The following PROSER2 variants were observed in gnomAD, a reference collection of about 807,000 sequenced individuals.
PROSER2 encodes the protein proline and serine rich 2.
Under a neutral mutation model 14.6 loss-of-function variants are expected in PROSER2, and 18 were observed. That is an observed-to-expected ratio of 1.23 (90% CI 0.85 to 1.83). PROSER2 has a LOEUF of 1.83. Among genes scored for constraint, PROSER2 ranks in the 40% most tolerant of loss-of-function variants. The pLI is 0.00. For synonymous variants in PROSER2, 367 were observed against 286.4 expected, an observed-to-expected ratio of 1.28 and a Z score of -2.84; for missense variants, 823 against 629.8, an observed-to-expected ratio of 1.31 and a Z score of -3.28.
At chr10:11,853,664 C>G (rs1039057294) in intron 2 of PROSER2, among the ~76,000 whole-genome samples, 1 of 152,138 alleles carries the variant, frequency 6.6e-6, no homozygotes, top group African/African-American at 2.4e-5. Flanking sequence ...CCAGGTGGGG[C>G]GCCATTCCCC....
rs190543494 is a variant in PROSER2 at position 11,827,635 on chromosome 10, T to C, written c.-82+4165T>C. Among the ~76,000 whole-genome samples, 9 of 152,138 alleles carry C rather than the reference T, an allele frequency of 5.9e-5. No homozygotes were observed. The East Asian group carries it at 1.7e-3, about 29-fold the overall frequency. On this transcript the variant is annotated intron_variant, in intron 1 of 3. Coordinates refer to ENST00000277570, the MANE Select transcript of PROSER2 (RefSeq NM_153256.4). Reference sequence around the variant, plus strand: ...GTATTTATGGATTGACCACGTACAATGTGCCAAGCTGTTGAGCGGGTCATT... The same window carrying C: ...GTATTTATGGATTGACCACGTACAACGTGCCAAGCTGTTGAGCGGGTCATT...
intron 3 of PROSER2, among the ~76,000 whole-genome samples, chr10:11,868,503 C>T (rs915410900): frequency 6.6e-6 from 1 of 152,062 alleles, no homozygotes; most frequent in African/African-American, 2.4e-5. Flanking sequence ...AACTCTTGGG[C>T]TCAAGTGATC....
rs1833673993 is a variant in PROSER2, at chr10:11,830,294, TAG to T, written c.-82+6827_-82+6828del. On this transcript the variant is annotated intron_variant, in intron 1 of 3. Coordinates refer to ENST00000277570, the MANE Select transcript of PROSER2 (RefSeq NM_153256.4). This position sits in a 1 kb window ranked among gnomAD's most constrained non-coding sequence, Gnocchi z 4.5. ...ACATGCAGTGTTTGACTTTCAGAGT[TAG>T]AGTTTGACTTTCACTTAGGATAATG... Among the ~76,000 whole-genome samples the T allele has an allele frequency of 6.6e-6, 1 of 152,210 alleles. No individual in the cohort carries two copies. Among genetic ancestry groups the T allele is most frequent in the South Asian group, 2.1e-4 (1 of 4,828 alleles).
intron 2 of PROSER2, among the ~76,000 whole-genome samples, chr10:11,855,825 T>A (rs1834113914): frequency 6.6e-6 from 1 of 152,204 alleles, no homozygotes; most frequent in Non-Finnish European, 1.5e-5. Context: ...AAATAGCCAC[T>A]TAAATAGGAT....
In PROSER2 at chr10:11,870,853, TA is replaced by T. The variant is rs58498573; in HGVS notation, c.*456del. 17 of 167,940 alleles carry T rather than the reference TA, an allele frequency of 1.0e-4. No individual in the cohort carries two copies. The highest frequency in any genetic ancestry group is 1.3e-4 in the Admixed American group (2 of 15,282). The allele number at this position is 167,940 out of a possible 1,614,324, so 10.4% of individuals were successfully genotyped here. A position where few individuals can be genotyped will look rare whatever the true frequency, so the allele number is the denominator to read the frequency against. On this transcript the variant is annotated 3_prime_UTR_variant, in exon 4 of 4. Coordinates refer to ENST00000277570, the MANE Select transcript of PROSER2 (RefSeq NM_153256.4). ...CTCGCCGCCTTTTCTAAGAAAATAA[TA>T]AAAAAAAATGCTTGTTTCATTTTTT...
chr10:11,864,611 C>CA (rs1834308734), intron 2 of PROSER2, among the ~76,000 whole-genome samples: 1 of 139,978 alleles, frequency 7.1e-6, no homozygotes, highest in Non-Finnish European at 1.5e-5. Flanking sequence ...TTTTTTGAGA[C>CA]AGAGTCTTGC....
chr10:11,840,955 AATATATATAT>A lies in PROSER2; in HGVS notation c.-81-11015_-81-11006del, dbSNP rs1305528836. Among the ~76,000 whole-genome samples, 153 of 18,872 alleles carry A rather than the reference AATATATATAT, an allele frequency of 8.1e-3. 1 individual carries two copies. Among genetic ancestry groups the A allele is most frequent in the African/African-American group, 0.013 (64 of 4,762 alleles). 12.4% of individuals were successfully genotyped at this position (18,872 alleles called of 152,430 possible). A position where few individuals can be genotyped will look rare whatever the true frequency, so the allele number is the denominator to read the frequency against. On this transcript the variant is annotated intron_variant, in intron 1 of 3. Coordinates refer to ENST00000277570, the MANE Select transcript of PROSER2 (RefSeq NM_153256.4). ...AAAAAAAAAAAAAAAAAAAAAAAAAAATATATATATATATATATATATATATATATATATA... is the reference window on the plus strand; with the variant it reads ...AAAAAAAAAAAAAAAAAAAAAAAAAAATATATATATATATATATATATATA...
chr10:11,839,058 T>A (rs1396376588), intron 1 of PROSER2, among the ~76,000 whole-genome samples: 1 of 152,182 alleles, frequency 6.6e-6, no homozygotes, highest in African/African-American at 2.4e-5. Context: ...AATAGGAAAT[T>A]CAGAAATAGA....
rs556380826 is a variant in PROSER2 at position 11,862,012 on chromosome 10, A to G, written c.139-4519A>G. Reference sequence around the variant, plus strand: ...TCAGACTCCCTGGAGGCTGCGTCCAACACAGACTGACAGGCCCAGCGCCTG... The same window carrying G: ...TCAGACTCCCTGGAGGCTGCGTCCAGCACAGACTGACAGGCCCAGCGCCTG... On this transcript the variant is annotated intron_variant, in intron 2 of 3. Coordinates refer to ENST00000277570, the MANE Select transcript of PROSER2 (RefSeq NM_153256.4). The surrounding 1 kb of genome is among the most constrained non-coding windows in gnomAD (Gnocchi z 4.2). Among the ~76,000 whole-genome samples the G allele has an allele frequency of 7.2e-5, 11 of 152,354 alleles. No homozygotes were observed. The East Asian group carries it at 2.1e-3, about 29-fold the overall frequency.
intron 2 of PROSER2, among the ~76,000 whole-genome samples, chr10:11,855,053 C>G (rs11257362): frequency 0.077 from 11,639 of 151,776 alleles, 509 homozygotes; most frequent in East Asian, 0.1. Context: ...TATGTAAATG[C>G]ACCTCTTAGA....
chr10:11,866,461 T>G lies in PROSER2; in HGVS notation c.139-70T>G. On this transcript the variant is annotated intron_variant, in intron 2 of 3. Transcript: ENST00000277570. The surrounding 1 kb of genome is among the most constrained non-coding windows in gnomAD (Gnocchi z 6.0). ...GGCTGTGGACCAATCCCAACTTTGC[T>G]TCAGCTTTTGTCTCTTTAGTGAAGC... 1 of 1,578,122 alleles carries G rather than the reference T, an allele frequency of 6.3e-7. No homozygotes were observed.
intron 2 of PROSER2, among the ~76,000 whole-genome samples, chr10:11,854,478 T>G (rs1297516422): frequency 6.6e-6 from 1 of 152,166 alleles, no homozygotes; most frequent in African/African-American, 2.4e-5. Flanking sequence ...CTGGCTAATT[T>G]GTTAAATTTT....
rs79906138 is a variant in PROSER2 at position 11,869,369 on chromosome 10, C to T, written c.392-121C>T. The T allele has an allele frequency of 0.017, 11,729 of 691,992 alleles. 191 individuals are homozygous for T. The highest frequency in any genetic ancestry group is 0.058 in the African/African-American group (3,282 of 56,326). 42.9% of individuals were successfully genotyped at this position (691,992 alleles called of 1,614,324 possible). On this transcript the variant is annotated intron_variant, in intron 3 of 3. Transcript: ENST00000277570. The surrounding 1 kb of genome is among the most constrained non-coding windows in gnomAD (Gnocchi z 4.4). ...AGGGAGAGAGGAGTTGACTCACAGG[C>T]AGCACCGGCGAAGTTGGTGTCAGGT...
At position 11,840,653 on chromosome 10, in the gene PROSER2, G is replaced by A. The variant is rs867131181; in HGVS notation, c.-81-11344G>A. 6.2e-4 allele frequency among the ~76,000 whole-genome samples: 95 copies of A among 152,042 alleles called. No individual in the cohort carries two copies. The Middle Eastern group carries it at 0.014, about 22-fold the overall frequency. On this transcript the variant is annotated intron_variant, in intron 1 of 3. Transcript: ENST00000277570. ...CAAAATTAGATAGTGGGGGCCAGGC[G>A]CGGTGGCTCATCCCTTGGCCAGCAC...
At position 11,862,173 on chromosome 10, in the gene PROSER2, G is replaced by T. The variant is rs1295035465; in HGVS notation, c.139-4358G>T. Among the ~76,000 whole-genome samples the T allele has an allele frequency of 1.3e-5, 2 of 152,130 alleles. No individual in the cohort carries two copies. The highest frequency in any genetic ancestry group is 2.4e-5 in the African/African-American group (1 of 41,406). ...AATGAAGCCATGAGCCATATTCATG[G>T]GTCAAGAAAAGATCGCAGAGACATC... is the stretch of plus-strand genomic sequence containing the variant. On this transcript the variant is annotated intron_variant, in intron 2 of 3. Coordinates refer to ENST00000277570, the MANE Select transcript of PROSER2 (RefSeq NM_153256.4). This position sits in a 1 kb window ranked among gnomAD's most constrained non-coding sequence, Gnocchi z 4.2.
chr10:11,863,018 T>C (rs1008466846), intron 2 of PROSER2: 10 of 152,206 alleles, frequency 6.6e-5, no homozygotes, highest in Non-Finnish European at 1.0e-4. Flanking sequence ...GACCCGGCGA[T>C]TGTGCATAGG....
rs1295926190 is a variant in PROSER2, at chr10:11,870,972, G to C, written c.*566G>C. On this transcript the variant is annotated 3_prime_UTR_variant, in exon 4 of 4. Coordinates refer to ENST00000277570, the MANE Select transcript of PROSER2 (RefSeq NM_153256.4). ...GACGTACTTTAGTTTGCCCAGTTTT[G>C]TTTTTTACTGAAAACTGAAATGAAA... is the stretch of plus-strand genomic sequence containing the variant. The C allele has an allele frequency of 6.6e-6, 1 of 152,528 alleles. No homozygotes were observed. Among genetic ancestry groups the C allele is most frequent in the African/African-American group, 2.4e-5 (1 of 41,398 alleles). 9.4% of individuals were successfully genotyped at this position (152,528 alleles called of 1,614,324 possible).
rs552519613 is a variant in PROSER2, at chr10:11,866,386, G to A, written c.139-145G>A. On this transcript the variant is annotated intron_variant, in intron 2 of 3. Coordinates refer to ENST00000277570, the MANE Select transcript of PROSER2 (RefSeq NM_153256.4). This position sits in a 1 kb window ranked among gnomAD's most constrained non-coding sequence, Gnocchi z 6.0. ...CCATCTGGGTGATGGAGAGGCACAC[G>A]CAGGCACTGTGTGGCAGGGTACTCT... The A allele has an allele frequency of 1.3e-4, 112 of 892,826 alleles. 1 individual carries two copies. The South Asian group carries it at 1.3e-3, about 11-fold the overall frequency. 55.3% of individuals were successfully genotyped at this position (892,826 alleles called of 1,614,324 possible).
At chr10:11,860,445 G>A (rs941751702) in intron 2 of PROSER2, among the ~76,000 whole-genome samples, 5 of 151,500 alleles carry the variant, frequency 3.3e-5, no homozygotes, top group Admixed American at 6.6e-5. Context: ...TGAAACCCCC[G>A]TCTCTGCTAA....
Sources: allele counts gnomAD v4.1 joint callset (sites outside exome capture counted in the v4.1 genomes callset), GRCh38; gene constraint gnomAD v4.1.1; non-coding constraint Gnocchi (gnomAD v3.1); transcripts MANE v1.5; gene names NCBI Gene and HGNC (gene_info 2026-07-23, HGNC 2026-07-21).